The following SH2D4A variants were observed in gnomAD, a reference collection of about 807,000 sequenced individuals.
The protein encoded by SH2D4A is SH2 domain-containing protein 4A.
A neutral mutation model predicts 64.7 loss-of-function variants in SH2D4A; 70 were observed. That is an observed-to-expected ratio of 1.08 (90% CI 0.89 to 1.32). The LOEUF (loss-of-function observed/expected upper bound fraction) is 1.32. Ranked by LOEUF, SH2D4A falls within the 40% of genes most tolerant of loss-of-function variation. The pLI is 0.00. For synonymous variants in SH2D4A, 268 were observed against 200.7 expected (o/e 1.34, Z -2.83); for missense variants, 706 against 540.1 (o/e 1.31, Z -3.04).
chr8:19,373,424 A>G, intron 7 of SH2D4A, 106 bp from the exon 8 acceptor site: 1 of 696,946 alleles, frequency 1.4e-6, no homozygotes, highest in Non-Finnish European at 2.0e-6. Context: ...ATATATATGC[A>G]TGTATATGTA....
intron 4 of SH2D4A, among the ~76,000 whole-genome samples, chr8:19,340,023 A>C (rs1358696301): frequency 6.6e-6 from 1 of 152,128 alleles, no homozygotes; most frequent in African/African-American, 2.4e-5. Flanking sequence ...CTGTGACTTA[A>C]GGGATAGGTT....
chr8:19,359,737 C>T (rs1043966020), intron 5 of SH2D4A, among the ~76,000 whole-genome samples: 2 of 144,562 alleles, frequency 1.4e-5, no homozygotes. Context: ...AGTTTAGTTA[C>T]ATCTGCAGTG....
At chr8:19,393,936 C>T (rs2053542683) in intron 9 of SH2D4A, among the ~76,000 whole-genome samples, 1 of 152,110 alleles carries the variant, frequency 6.6e-6, no homozygotes, top group Non-Finnish European at 1.5e-5. Flanking sequence ...ATTGATTGTG[C>T]ATTTTATTAT....
At chr8:19,391,289 C>T (rs779869032) in intron 8 of SH2D4A, among the ~76,000 whole-genome samples, 1 of 152,090 alleles carries the variant, frequency 6.6e-6, no homozygotes, top group East Asian at 1.9e-4. Context: ...AGGAGCAGCC[C>T]GTATCTGTTG....
chr8:19,367,893 T>A (rs1466973388), intron 7 of SH2D4A, among the ~76,000 whole-genome samples: 1 of 152,130 alleles, frequency 6.6e-6, no homozygotes, highest in Admixed American at 6.6e-5. Flanking sequence ...CTGAGCAACA[T>A]AGGGAGACAG....
At chr8:19,392,312 A>G (rs1030154790) in intron 8 of SH2D4A, among the ~76,000 whole-genome samples, 16 of 152,184 alleles carry the variant, frequency 1.1e-4, no homozygotes, top group African/African-American at 3.9e-4. Context: ...ACTGAGTAGA[A>G]CTGAGTCTGA....
rs1381721849 is a variant in SH2D4A at position 19,394,560 on chromosome 8, T to C, written c.1283T>C (p.Ile428Thr). The change falls in exon 10 of 10, where the codon ATC becomes ACC. Residue 428 changes from isoleucine (I) to threonine (T), a missense_variant. Physicochemically the swap from Ile to Thr is moderately conservative, Grantham distance 89. Coordinates refer to ENST00000265807, the MANE Select transcript of SH2D4A (RefSeq NM_022071.4). ...CCTTCTGATTGACAGGAGGAACCCA[T>C]CACTTCCCTGGGGAAGGAGCTCCTT... ...DLVEYHKEEP[I>T]TSLGKELLLY... 3.1e-6 allele frequency: 5 copies of C among 1,606,532 alleles called. No individual in the cohort carries two copies. Among genetic ancestry groups the C allele is most frequent in the Admixed American group, 1.7e-5 (1 of 59,322 alleles).
intron 1 of SH2D4A, 38 bp downstream of exon 1, chr8:19,313,861 G>A (rs2117153721): frequency 1.4e-6 from 2 of 1,442,406 alleles, no homozygotes; most frequent in South Asian, 2.7e-5. Flanking sequence ...TGGGGAGAGT[G>A]TGCGTGGGGT....
intron 8 of SH2D4A, among the ~76,000 whole-genome samples, chr8:19,384,381 AT>A (rs1212086934): frequency 6.6e-6 from 1 of 152,178 alleles, no homozygotes; most frequent in Non-Finnish European, 1.5e-5. Flanking sequence ...TAGATTAATG[AT>A]CTTCTAAATA....
At position 19,393,514 on chromosome 8, in the gene SH2D4A, C is replaced by A; in HGVS notation, c.1245C>A (p.Thr415=). 6.2e-7 allele frequency: 1 copy of A among 1,614,234 alleles called. No homozygotes were observed. Among genetic ancestry groups the A allele is most frequent in the Non-Finnish European group, 8.5e-7 (1 of 1,180,050 alleles). ...FLGVDQLQHA[T]LADLVEYHKE... ...GCGTGGACCAGCTACAGCATGCCAC[C>A]TTGGCGGATTTGGTGGAATATCACA... Residue 415 remains threonine (T), a synonymous_variant, in exon 9 of 10, where the codon ACC becomes ACA. Coordinates refer to ENST00000265807, the MANE Select transcript of SH2D4A (RefSeq NM_022071.4).
intron 4 of SH2D4A, among the ~76,000 whole-genome samples, chr8:19,345,522 C>T (rs1479659851): frequency 1.3e-5 from 2 of 152,190 alleles, no homozygotes; most frequent in East Asian, 3.8e-4. Flanking sequence ...GTGGCAAAGT[C>T]AACTCAATTT....
intron 1 of SH2D4A, among the ~76,000 whole-genome samples, chr8:19,317,970 C>T (rs943360204): frequency 6.6e-6 from 1 of 151,882 alleles, no homozygotes; most frequent in Non-Finnish European, 1.5e-5. Context: ...GGCGCGATCT[C>T]GGCTCACTGC....
At chr8:19,392,178 G>A (rs1371112686) in intron 8 of SH2D4A, among the ~76,000 whole-genome samples, 1 of 152,146 alleles carries the variant, frequency 6.6e-6, no homozygotes, top group African/African-American at 2.4e-5. Context: ...GAATTCCTGA[G>A]GCATCTAAGC....
At chr8:19,313,971 C>A (rs1222522757) in intron 1 of SH2D4A, 148 bp downstream of exon 1, 5 of 1,256,114 alleles carry the variant, frequency 4.0e-6, no homozygotes, top group African/African-American at 1.6e-5. Context: ...GCCTCCACCC[C>A]TTCGCGGCGC....
intron 9 of SH2D4A, among the ~76,000 whole-genome samples, chr8:19,394,257 C>T (rs1345167381): frequency 6.6e-6 from 1 of 152,190 alleles, no homozygotes; most frequent in Non-Finnish European, 1.5e-5. Flanking sequence ...CCACTGCTCA[C>T]CTCCTGCTAT....
At chr8:19,364,590 C>CT (rs2052957723) in intron 7 of SH2D4A, among the ~76,000 whole-genome samples, 1 of 151,944 alleles carries the variant, frequency 6.6e-6, no homozygotes, top group South Asian at 2.1e-4. Context: ...CCCCCGCCCC[C>CT]CTCCCCCCCA....
In SH2D4A at chr8:19,395,901, A is replaced by G. The variant is rs1001435724; in HGVS notation, c.*1259A>G. 4 of 152,146 alleles carry G rather than the reference A, an allele frequency of 2.6e-5. No individual in the cohort carries two copies. Among genetic ancestry groups the G allele is most frequent in the African/African-American group, 9.7e-5 (4 of 41,410 alleles). 9.4% of individuals were successfully genotyped at this position (152,146 alleles called of 1,614,324 possible). On this transcript the variant is annotated 3_prime_UTR_variant, in exon 10 of 10. Transcript: ENST00000265807. ...GTAATTACATAACCTGACACACAAGATCGACCCATTCACTGCTGCCCAGTC... is the reference window on the plus strand; with the variant it reads ...GTAATTACATAACCTGACACACAAGGTCGACCCATTCACTGCTGCCCAGTC...
In SH2D4A at chr8:19,394,678, G is replaced by T; in HGVS notation, c.*36G>T. The stretch of plus-strand genomic sequence containing the variant: ...CAGGGTCATCCTACAGCCTCCAAGC[G>T]GGCTTTCCCCTGGACAAATGCCACT... On this transcript the variant is annotated 3_prime_UTR_variant, in exon 10 of 10. Transcript: ENST00000265807. The T allele has an allele frequency of 1.9e-6, 3 of 1,543,074 alleles. No homozygotes were observed. Among genetic ancestry groups the T allele is most frequent in the Non-Finnish European group, 2.6e-6 (3 of 1,133,266 alleles).
Position 19,333,033 on chromosome 8 carries a change from A to C in SH2D4A, c.260A>C (p.Asp87Ala). 1 of 1,614,136 alleles carries C rather than the reference A, an allele frequency of 6.2e-7. No homozygotes were observed. Residue 87 changes from aspartate to alanine, a missense_variant, in exon 3 of 10, where the codon GAT (aspartate) becomes GCT (alanine). By Grantham distance (126) the Asp-to-Ala change is moderately radical. Transcript: ENST00000265807. ...WVWVMGEHHL[D>A]KPYDVLCNEI... Reference sequence around the variant, plus strand: ...TGGGTGATGGGCGAACACCATCTAGATAAACCCTATGATGTGCTCTGTAAT... The same window carrying C: ...TGGGTGATGGGCGAACACCATCTAGCTAAACCCTATGATGTGCTCTGTAAT...
Sources: gnomAD v4.1 joint callset for allele counts (sites outside exome capture counted in the v4.1 genomes callset) on GRCh38, gnomAD v4.1.1 for gene constraint, MANE v1.5 for transcripts, NCBI Gene and HGNC (gene_info 2026-07-23, HGNC 2026-07-21) for gene names.